The following NTRK3 variants were observed in gnomAD, a reference collection of about 807,000 sequenced individuals.
NTRK3 encodes the protein NT-3 growth factor receptor.
A neutral mutation model predicts 91.7 loss-of-function variants in NTRK3; 24 were observed. The ratio of observed to expected loss-of-function variants is 0.26; its 90% CI spans 0.19 to 0.37. The LOEUF (loss-of-function observed/expected upper bound fraction) is 0.37. NTRK3 is among the 10% of genes least tolerant of loss of function. NTRK3 has a pLI of 1.00. For synonymous variants in NTRK3, 483 were observed against 404.0 expected, an observed-to-expected ratio of 1.20 and a Z score of -2.34; for missense variants, 880 against 1,068.9, an observed-to-expected ratio of 0.82 and a Z score of 2.46.
chr15:88,149,098 G>C (rs1334285708), intron 5 of NTRK3, among the ~76,000 whole-genome samples: 2 of 152,204 alleles, frequency 1.3e-5, no homozygotes, highest in Admixed American at 1.3e-4. Context: ...GCTCATGGGA[G>C]AGGTTGGGGC....
At chr15:88,187,731 C>T (rs984042189) in intron 3 of NTRK3, among the ~76,000 whole-genome samples, 1 of 151,868 alleles carries the variant, frequency 6.6e-6, no homozygotes, top group Non-Finnish European at 1.5e-5. Context: ...GTCAGGAGTT[C>T]GAGACCAGCC....
At chr15:88,205,633 A>G (rs1459232756) in intron 3 of NTRK3, among the ~76,000 whole-genome samples, 1 of 152,184 alleles carries the variant, frequency 6.6e-6, no homozygotes, top group Non-Finnish European at 1.5e-5. Context: ...GCTTCTGAAC[A>G]AGGGCTATCC....
At chr15:88,041,277 C>T (rs1369446658) in intron 13 of NTRK3, among the ~76,000 whole-genome samples, 1 of 152,186 alleles carries the variant, frequency 6.6e-6, no homozygotes, top group Non-Finnish European at 1.5e-5. Context: ...AGAATCGATT[C>T]CTGTACTCCT....
chr15:88,110,572 G>C (rs1340615563), intron 13 of NTRK3, among the ~76,000 whole-genome samples: 1 of 152,160 alleles, frequency 6.6e-6, no homozygotes, highest in African/African-American at 2.4e-5. Context: ...GCCTTAAGTG[G>C]TCTGCTGACA....
intron 14 of NTRK3, among the ~76,000 whole-genome samples, chr15:88,003,606 T>C (rs2076269420): frequency 6.6e-6 from 1 of 152,146 alleles, no homozygotes; most frequent in African/African-American, 2.4e-5. Context: ...GTAGGATGCC[T>C]CCAACAATCA....
chr15:88,256,543 A>T (rs2054073430), intron 1 of NTRK3, 57 bp from the exon 2 acceptor site: 1 of 514,990 alleles, frequency 1.9e-6, no homozygotes, highest in African/African-American at 2.0e-5. Flanking sequence ...AAAAGGAAAA[A>T]ATGGTGCTAA....
At chr15:87,933,548 G>A (rs2068994347) in intron 15 of NTRK3, among the ~76,000 whole-genome samples, 1 of 152,272 alleles carries the variant, frequency 6.6e-6, no homozygotes, top group African/African-American at 2.4e-5. Flanking sequence ...TTTCTTTGAG[G>A]AAACTGTCCC....
intron 3 of NTRK3, among the ~76,000 whole-genome samples, chr15:88,236,381 G>A (rs1316149365): frequency 6.6e-6 from 1 of 151,878 alleles, no homozygotes; most frequent in Non-Finnish European, 1.5e-5. Context: ...TTGTGAAAAA[G>A]CCCAAAACAG....
intron 5 of NTRK3, 83 bp downstream of exon 5, chr15:88,183,335 G>C: frequency 7.0e-7 from 1 of 1,438,306 alleles, no homozygotes; most frequent in Admixed American, 1.7e-5. Flanking sequence ...CAAAAAGCCA[G>C]GTCTAGACCT....
intron 13 of NTRK3, among the ~76,000 whole-genome samples, chr15:88,102,921 G>C (rs1343079907): frequency 6.6e-6 from 1 of 152,136 alleles, no homozygotes; most frequent in Non-Finnish European, 1.5e-5. Context: ...CGTTTTGATG[G>C]TCCCTGCCAT....
intron 13 of NTRK3, among the ~76,000 whole-genome samples, chr15:88,039,161 A>ACACACG (rs2079362653): frequency 6.7e-6 from 1 of 150,156 alleles, no homozygotes; most frequent in African/African-American, 2.4e-5. Flanking sequence ...ACACACACAC[A>ACACACG]CACGCACAGA....
intron 13 of NTRK3, among the ~76,000 whole-genome samples, chr15:88,059,951 G>C (rs1597061347): frequency 6.6e-6 from 1 of 152,202 alleles, no homozygotes; most frequent in South Asian, 2.1e-4. Flanking sequence ...GCCCAGAAGA[G>C]AGGCATTCGA....
chr15:88,059,485 TATAA>T (rs2046013621), intron 13 of NTRK3, among the ~76,000 whole-genome samples: 1 of 152,146 alleles, frequency 6.6e-6, no homozygotes, highest in East Asian at 1.9e-4. Flanking sequence ...TCCAGGCCCA[TATAA>T]ATATTCTCCA....
intron 13 of NTRK3, among the ~76,000 whole-genome samples, chr15:88,091,430 T>A (rs1278648153): frequency 1.3e-5 from 2 of 152,248 alleles, no homozygotes; most frequent in Non-Finnish European, 2.9e-5. Context: ...CCTTCACTTA[T>A]CGTTTCCTCT....
intron 10 of NTRK3, among the ~76,000 whole-genome samples, chr15:88,132,880 T>G (rs1303690309): frequency 1.3e-5 from 2 of 152,134 alleles, no homozygotes; most frequent in Non-Finnish European, 2.9e-5. Flanking sequence ...TGGAGATGGG[T>G]CTGAGGAAAT....
chr15:88,162,131 C>T lies in NTRK3; in HGVS notation c.396-14728G>A, dbSNP rs950638137. 2.6e-5 allele frequency among the ~76,000 whole-genome samples: 4 copies of T among 152,194 alleles called. 1 individual carries two copies. Among genetic ancestry groups the T allele is most frequent in the African/African-American group, 9.7e-5 (4 of 41,448 alleles). ...AGACCCAAGTCTCCTCTCCCAGATA[C>T]TCTGAAGCACCAGCGCCACAGCAAA... On this transcript the variant is annotated intron_variant, in intron 5 of 18. Coordinates refer to ENST00000394480, the Ensembl canonical transcript of NTRK3.
chr15:88,251,510 G>A (rs968019642), intron 3 of NTRK3, among the ~76,000 whole-genome samples: 6 of 152,238 alleles, frequency 3.9e-5, no homozygotes, highest in African/African-American at 1.4e-4. Flanking sequence ...TGGAGGCCCC[G>A]AGGGGAGGCT....
intron 17 of NTRK3, chr15:87,916,244 G>C (rs2067436412): frequency 1.4e-5 from 4 of 291,700 alleles, no homozygotes; most frequent in Admixed American, 9.4e-5. Flanking sequence ...ATTACAGCTA[G>C]TAAAGAAGAT....
chr15:88,138,758 C>T (rs1443590031), intron 6 of NTRK3, among the ~76,000 whole-genome samples: 2 of 152,226 alleles, frequency 1.3e-5, no homozygotes, highest in African/African-American at 2.4e-5. Context: ...GAATTTATCA[C>T]TACTGGCATC....
Sources: gnomAD v4.1 joint callset for allele counts (sites outside exome capture counted in the v4.1 genomes callset) on GRCh38, gnomAD v4.1.1 for gene constraint, MANE v1.5 for transcripts, NCBI Gene and HGNC (gene_info 2026-07-23, HGNC 2026-07-21) for gene names.